The following DNAH3 variants were observed in gnomAD, a reference collection of about 807,000 sequenced individuals.
The protein encoded by DNAH3 is dynein axonemal heavy chain 3.
DNAH3 carries 332 observed loss-of-function variants against 432.5 expected under a neutral mutation model. The ratio of observed to expected loss-of-function variants is 0.77; its 90% CI spans 0.70 to 0.84. The LOEUF is 0.84. Among genes scored for constraint, DNAH3 ranks in the 40% least tolerant of loss-of-function variants. The pLI is 0.00. For missense variants in DNAH3, 4,861 were observed against 5,114.0 expected, an observed-to-expected ratio of 0.95 and a Z score of 1.51; for synonymous variants, 1,956 against 1,900.2, an observed-to-expected ratio of 1.03 and a Z score of -0.76.
intron 51 of DNAH3, 97 bp from the exon 52 acceptor site, chr16:20,970,087 G>GAAGCACC: frequency 8.6e-7 from 1 of 1,164,754 alleles, no homozygotes; most frequent in African/African-American, 1.5e-5. Flanking sequence ...GAAGGAAGAG[G>GAAGCACC]TGCTTCCTCT....
intron 20 of DNAH3, 73 bp from the exon 21 acceptor site, chr16:21,075,634 C>T: frequency 8.5e-7 from 1 of 1,172,746 alleles, no homozygotes; most frequent in Non-Finnish European, 1.3e-6. Flanking sequence ...AACTTCAGGC[C>T]AGGCATGGTG....
intron 49 of DNAH3, among the ~76,000 whole-genome samples, chr16:20,980,544 C>T (rs990697071): frequency 2.7e-4 from 41 of 151,394 alleles, no homozygotes; most frequent in African/African-American, 9.4e-4. Flanking sequence ...AGCTAATCTT[C>T]TGCACTTTTA....
chr16:21,012,657 T>C (rs781264192), intron 41 of DNAH3, among the ~76,000 whole-genome samples: 10 of 152,192 alleles, frequency 6.6e-5, no homozygotes, highest in African/African-American at 9.7e-5. Context: ...CAGGATCAAA[T>C]TGACATTTAT....
chr16:21,153,278 C>T (rs552739768), intron 1 of DNAH3, among the ~76,000 whole-genome samples: 1 of 152,214 alleles, frequency 6.6e-6, no homozygotes, highest in Admixed American at 6.5e-5. Flanking sequence ...GTAAACACAC[C>T]AATCAGCACC....
At chr16:21,114,505 C>T (rs2092141419) in intron 12 of DNAH3, among the ~76,000 whole-genome samples, 1 of 152,152 alleles carries the variant, frequency 6.6e-6, no homozygotes, top group Non-Finnish European at 1.5e-5. Context: ...TTTAGAGACT[C>T]TGAAACTGAG....
rs2084723844 is a variant in DNAH3, at chr16:20,959,610, A to ACAC, written c.10601-207_10601-206insGTG. Among the ~76,000 whole-genome samples, 86 of 137,638 alleles carry ACAC rather than the reference A, an allele frequency of 6.2e-4. 2 individuals are homozygous for ACAC. The highest frequency in any genetic ancestry group is 4.6e-3 in the South Asian group (19 of 4,108). The allele number at this position is 137,638 out of a possible 152,430, so 90.3% of individuals were successfully genotyped here. A position where few individuals can be genotyped will look rare whatever the true frequency, so the allele number is the denominator to read the frequency against. On this transcript the variant is annotated intron_variant, in intron 53 of 61. Coordinates refer to ENST00000261383, the Ensembl canonical transcript of DNAH3. ...CACAGTGAGACCTTGTCTCTATTTA[A>ACAC]ACACACACACACACACACACACACA... is the stretch of plus-strand genomic sequence containing the variant.
intron 29 of DNAH3, among the ~76,000 whole-genome samples, chr16:21,050,915 C>CGGG (rs2089927489): frequency 6.6e-6 from 1 of 152,130 alleles, no homozygotes; most frequent in Admixed American, 6.6e-5. Flanking sequence ...ATTTAGCACT[C>CGGG]TATCTTGTAA....
At chr16:21,042,255 A>T (rs1354665400) in intron 31 of DNAH3, 52 bp from the exon 32 acceptor site, 1 of 1,520,652 alleles carries the variant, frequency 6.6e-7, no homozygotes, top group Admixed American at 2.1e-5. Flanking sequence ...TCTGACAACC[A>T]CCCTACTCTA....
intron 58 of DNAH3, 30 bp from the exon 59 acceptor site, chr16:20,941,573 G>A (rs373069587): frequency 2.5e-6 from 4 of 1,612,462 alleles, no homozygotes; most frequent in African/African-American, 1.3e-5. Flanking sequence ...AGAGGTGAGT[G>A]AGAAGCAAGC....
chr16:20,954,887 A>G (rs1798680622), exon 55 of DNAH3: 6 of 1,614,180 alleles, frequency 3.7e-6, no homozygotes, highest in Non-Finnish European at 5.1e-6. Flanking sequence ...CTTTTGCCAC[A>G]TCACCGCCTT....
chr16:20,933,507 C>T lies in DNAH3; in HGVS notation c.11998G>A (p.Val4000Ile), dbSNP rs760751426. 8 of 1,571,238 alleles carry T rather than the reference C, an allele frequency of 5.1e-6. No individual in the cohort carries two copies. In the Admixed American group the frequency reaches 1.5e-4, roughly 29 times the overall value. ...TCCATCACTGTTTCTTGTGGGGTTACCTGGAAGAATAAAAAGCTATGAGCT... is the reference window on the plus strand; with the variant it reads ...TCCATCACTGTTTCTTGTGGGGTTATCTGGAAGAATAAAAAGCTATGAGCT... The change falls in exon 62 of 62, where the codon GTA (valine) becomes ATA (isoleucine). Residue 4000 changes from valine (V) to isoleucine (I), a missense_variant and splice_region_variant. Val to Ile is a conservative substitution (Grantham distance 29). Coordinates refer to ENST00000261383, the Ensembl canonical transcript of DNAH3.
At chr16:21,138,362 T>C (rs1019114635) in intron 5 of DNAH3, among the ~76,000 whole-genome samples, 1 of 152,188 alleles carries the variant, frequency 6.6e-6, no homozygotes, top group Non-Finnish European at 1.5e-5. Flanking sequence ...AAAGCTTTTC[T>C]GATTTTAAGA....
intron 1 of DNAH3, among the ~76,000 whole-genome samples, chr16:21,155,755 T>G (rs951984918): frequency 6.6e-6 from 1 of 152,106 alleles, no homozygotes; most frequent in African/African-American, 2.4e-5. Flanking sequence ...CGTGTGTTTT[T>G]ATTTGCCAAA....
chr16:21,033,984 A>G (rs537587413), exon 36 of DNAH3: 3 of 1,613,286 alleles, frequency 1.9e-6, no homozygotes, highest in Non-Finnish European at 2.5e-6. Context: ...CTGCGTGTAA[A>G]TCGCCGAGAG....
At chr16:21,060,728 T>C (rs549977849) in intron 25 of DNAH3, among the ~76,000 whole-genome samples, 8 of 151,646 alleles carry the variant, frequency 5.3e-5, no homozygotes, top group East Asian at 3.9e-4. Flanking sequence ...GGTTTCACCA[T>C]GTTGGCCAGG....
intron 16 of DNAH3, among the ~76,000 whole-genome samples, chr16:21,100,146 A>G (rs1450317623): frequency 1.3e-5 from 2 of 152,036 alleles, no homozygotes; most frequent in African/African-American, 4.8e-5. Context: ...ATCTCGGCTC[A>G]TTGTAACCTC....
intron 24 of DNAH3, among the ~76,000 whole-genome samples, chr16:21,066,078 G>A (rs373852662): frequency 1.4e-4 from 22 of 151,782 alleles, no homozygotes; most frequent in Middle Eastern, 3.4e-3. Flanking sequence ...CCGCCCCCTC[G>A]GCCTCCCAAA....
rs71275930 is a variant in DNAH3 at position 21,139,776 on chromosome 16, C to CTTTT, written c.696+756_696+759dup. 2.5e-3 allele frequency among the ~76,000 whole-genome samples: 213 copies of CTTTT among 86,182 alleles called. 4 individuals are homozygous for CTTTT. Among genetic ancestry groups the CTTTT allele is most frequent in the African/African-American group, 4.0e-3 (83 of 20,588 alleles). The allele number at this position is 86,182 out of a possible 152,430, so 56.5% of individuals were successfully genotyped here. ...AGTCACCATGCCCAGCCACCTCATT[C>CTTTT]TTTTTTTTTTTTTTTTTTTTTGAGA... On this transcript the variant is annotated intron_variant, in intron 5 of 61. Coordinates refer to ENST00000261383, the Ensembl canonical transcript of DNAH3.
exon 53 of DNAH3, chr16:20,964,971 G>T (rs2084988160): frequency 1.2e-6 from 2 of 1,613,978 alleles, no homozygotes; most frequent in Non-Finnish European, 1.7e-6. Context: ...CAAGACCACT[G>T]ATCAGTTTCT....
Sources: gnomAD v4.1 joint callset for allele counts (sites outside exome capture counted in the v4.1 genomes callset) on GRCh38, gnomAD v4.1.1 for gene constraint, MANE v1.5 for transcripts, NCBI Gene and HGNC (gene_info 2026-07-23, HGNC 2026-07-21) for gene names.